DST: variants seen among roughly 807,000 people sequenced by gnomAD.
DST encodes bullous pemphigoid antigen.
A neutral mutation model predicts 875.2 loss-of-function variants in DST; 253 were observed. The observed-to-expected ratio is 0.29, with a 90% confidence interval of 0.26 to 0.32. DST has a LOEUF of 0.32. DST is among the 10% of genes least tolerant of loss of function. The pLI, the probability that DST is intolerant of heterozygous loss-of-function variation, is 1.00. For synonymous variants in DST, 3,124 were observed against 3,197.1 expected (o/e 0.98, Z 0.77); for missense variants, 8,287 against 9,111.6 (o/e 0.91, Z 3.68).
intron 87 of DST, among the ~76,000 whole-genome samples, 154 bp from the exon 88 acceptor site, chr6:56,485,625 A>C (rs1294211305): frequency 6.6e-6 from 1 of 152,366 alleles, no homozygotes; most frequent in Middle Eastern, 3.4e-3. Flanking sequence ...CTTAGGAAAA[A>C]GACAAAACTT....
At chr6:56,855,208 A>C (rs920119566) in intron 3 of DST, among the ~76,000 whole-genome samples, 1 of 152,232 alleles carries the variant, frequency 6.6e-6, no homozygotes. Flanking sequence ...GTTCTTGGAA[A>C]CTGCTGCTTT....
At position 56,601,490 on chromosome 6, in the gene DST, G is replaced by A. The variant is rs753976937; in HGVS notation, c.11494C>T (p.Arg3832Cys). Residue 3832 changes from arginine (R) to cysteine (C), a missense_variant, in exon 44 of 104, where the codon CGT (arginine) becomes TGT (cysteine). By Grantham distance (180) the Arg-to-Cys change is radical. Around this residue, in one of 10 missense-constraint regions of DST, gnomAD observed 3,138 missense variants for 3,116.6 expected, o/e 1.01. Transcript: ENST00000680361. Reference protein sequence around the residue: ...VQESVTTQVERLETQLHLEQD... With the variant: ...VQESVTTQVECLETQLHLEQD... ...TCTAGATGTAACTGAGTCTCTAAAC[G>A]TTCCACCTGGGTAGTTACTGACTCC... The A allele has an allele frequency of 6.2e-6, 10 of 1,605,416 alleles. No homozygotes were observed. Among genetic ancestry groups the A allele is most frequent in the Non-Finnish European group, 8.5e-6 (10 of 1,176,086 alleles).
chr6:56,884,730 A>AT (rs1158885927), intron 3 of DST, among the ~76,000 whole-genome samples: 9 of 148,254 alleles, frequency 6.1e-5, no homozygotes, highest in East Asian at 3.9e-4. Flanking sequence ...TGCCAAGCTC[A>AT]TTTTTTTTTT....
chr6:56,567,710 T>TCA, intron 55 of DST, among the ~76,000 whole-genome samples: 1 of 152,186 alleles, frequency 6.6e-6, no homozygotes, highest in Middle Eastern at 3.4e-3. Flanking sequence ...AACATCAGTA[T>TCA]CACAATAGGG....
intron 2 of DST, among the ~76,000 whole-genome samples, chr6:56,928,202 T>A (rs1026240975): frequency 2.7e-5 from 3 of 112,844 alleles, no homozygotes; most frequent in Non-Finnish European, 4.5e-5. Flanking sequence ...ATACCCCTAC[T>A]GGGGCACCTC....
chr6:56,641,548 A>G (rs2098902496), intron 17 of DST, among the ~76,000 whole-genome samples: 1 of 152,288 alleles, frequency 6.6e-6, no homozygotes, highest in Middle Eastern at 3.4e-3. Flanking sequence ...AGATCACACC[A>G]CTGCACTCCA....
At position 56,555,749 on chromosome 6, in the gene DST, G is replaced by A. The variant is rs1224376808; in HGVS notation, c.14732C>T (p.Pro4911Leu). The A allele has an allele frequency of 6.2e-7, 1 of 1,604,692 alleles. No individual in the cohort carries two copies. The highest frequency in any genetic ancestry group is 1.7e-5 in the Admixed American group (1 of 59,848). The change falls in exon 60 of 104, where the codon CCT becomes CTT. Residue 4911 changes from proline (P) to leucine (L), a missense_variant. Physicochemically the swap from Pro to Leu is moderately conservative, Grantham distance 98 (BLOSUM62 -3). This residue lies in a region of DST where 1,513 missense variants were observed against 1,677.8 expected (regional missense o/e 0.90). Coordinates refer to ENST00000680361, the MANE Select transcript of DST (RefSeq NM_001374736.1). The part of the protein sequence containing the change: ...QGILSRPGED[P>L]SLRGIVKEQL... ...CTCTTTCACAATCCCACGTAAAGAA[G>A]GGTCTTCTCCAGGCCTGCTCAGAAT... is the stretch of plus-strand genomic sequence containing the variant.
At chr6:56,691,495 C>T (rs1453795044) in intron 9 of DST, among the ~76,000 whole-genome samples, 1 of 151,996 alleles carries the variant, frequency 6.6e-6, no homozygotes, top group South Asian at 2.1e-4. Context: ...AATGACCTTG[C>T]CAAGAATGTT....
chr6:56,640,443 G>A lies in DST; in HGVS notation c.2190C>T (p.Thr730=), dbSNP rs756775878. The change falls in exon 18 of 104, where the codon ACC becomes ACT. Residue 730 remains threonine (T), a synonymous_variant. Coordinates refer to ENST00000680361, the MANE Select transcript of DST (RefSeq NM_001374736.1). ...GFAQTLHPSL[T]SGLTQSLTPS... is the part of the protein sequence containing the mutation. Reference sequence around the variant, plus strand: ...GTGTTAAACTCTGGGTCAGCCCTGAGGTCAGACTAGGGTGTAAGGTCTGTG... The same window carrying A: ...GTGTTAAACTCTGGGTCAGCCCTGAAGTCAGACTAGGGTGTAAGGTCTGTG... The A allele has an allele frequency of 4.3e-6, 7 of 1,614,078 alleles. No individual in the cohort carries two copies. The Admixed American group carries it at 6.7e-5, about 15-fold the overall frequency.
At position 56,501,469 on chromosome 6, in the gene DST, A is replaced by G. The variant is rs911139791; in HGVS notation, c.19740+51T>C. 3 of 1,314,016 alleles carry G rather than the reference A, an allele frequency of 2.3e-6. No homozygotes were observed. The African/African-American group carries it at 4.5e-5, about 20-fold the overall frequency. 81.4% of individuals were successfully genotyped at this position (1,314,016 alleles called of 1,614,324 possible). Reference sequence around the variant, plus strand: ...TATCTTTAATAATTATTTTACATTAATATCTGAAATTGAAAATTTATAATT... The same window carrying G: ...TATCTTTAATAATTATTTTACATTAGTATCTGAAATTGAAAATTTATAATT... On this transcript the variant is annotated intron_variant, in intron 79 of 103. Coordinates refer to ENST00000680361, the MANE Select transcript of DST (RefSeq NM_001374736.1).
At chr6:56,503,594 T>TAC (rs10637850) in intron 78 of DST, among the ~76,000 whole-genome samples, 10,699 of 140,838 alleles carry the variant, frequency 0.076, 430 homozygotes, top group Non-Finnish European at 0.097. Context: ...TACCTATACA[T>TAC]ACACACACAC....
chr6:56,458,937 C>A lies in DST; in HGVS notation c.*68G>T, dbSNP rs2094185058. 1 of 1,437,112 alleles carries A rather than the reference C, an allele frequency of 7.0e-7. No homozygotes were observed. Among genetic ancestry groups the A allele is most frequent in the South Asian group, 1.8e-5 (1 of 56,380 alleles). 89.0% of individuals were successfully genotyped at this position (1,437,112 alleles called of 1,614,324 possible). On this transcript the variant is annotated 3_prime_UTR_variant, in exon 104 of 104. Transcript: ENST00000680361. The stretch of plus-strand genomic sequence containing the variant: ...GCAATATTTCACAAGAATTTCTACA[C>A]CATATTTTACATCGTTCAAACTTAA...
At chr6:56,463,436 C>T in intron 101 of DST, 129 bp downstream of exon 101, 1 of 923,804 alleles carries the variant, frequency 1.1e-6, no homozygotes, top group Non-Finnish European at 1.6e-6. Flanking sequence ...GTATTTCCCA[C>T]AGTATGAGAA....
intron 4 of DST, among the ~76,000 whole-genome samples, chr6:56,776,540 T>C (rs1241767384): frequency 6.6e-6 from 1 of 152,232 alleles, no homozygotes. Flanking sequence ...GTAATATTTT[T>C]GCAACTTTTC....
chr6:56,586,661 C>G lies in DST; in HGVS notation c.12903+5521G>C, dbSNP rs553954713. The stretch of plus-strand genomic sequence containing the variant: ...AGCAGCCTAACTGGGAGGCACCCCC[C>G]AGTAGGGGCAGACTGACACCTCACA... On this transcript the variant is annotated intron_variant, in intron 49 of 103. Transcript: ENST00000680361. 9.9e-5 allele frequency among the ~76,000 whole-genome samples: 15 copies of G among 152,260 alleles called. No individual in the cohort carries two copies. In the South Asian group the frequency reaches 2.9e-3, roughly 29 times the overall value.
intron 2 of DST, among the ~76,000 whole-genome samples, chr6:56,938,106 CTCTATATA>C (rs1326124197): frequency 7.1e-3 from 213 of 30,058 alleles, no homozygotes; most frequent in African/African-American, 0.011. Flanking sequence ...CTCTCTCTCT[CTCTATATA>C]TATATATATA....
At position 56,640,563 on chromosome 6, in the gene DST, T is replaced by G. The variant is rs779974825; in HGVS notation, c.2070A>C (p.Glu690Asp). ...GTCCTTTGCTGTACACAGAAGAACA[T>G]TCGTTCCTTAAGGCCATAATTTCGT... ...LRDEIMALRN[E>D]CSSVYSKGRI... Residue 690 changes from glutamate (E) to aspartate (D), a missense_variant, in exon 18 of 104, where the codon GAA (glutamate) becomes GAC (aspartate). Physicochemically the swap from Glu to Asp is conservative, Grantham distance 45. Coordinates refer to ENST00000680361, the MANE Select transcript of DST (RefSeq NM_001374736.1). The G allele has an allele frequency of 6.2e-7, 1 of 1,614,208 alleles. No individual in the cohort carries two copies. The highest frequency in any genetic ancestry group is 1.1e-5 in the South Asian group (1 of 91,088).
rs768572908 is a variant in DST at position 56,459,000 on chromosome 6, T to C, written c.*5A>G. The stretch of plus-strand genomic sequence containing the variant: ...CAAGGAAGGGCCTTGGTAGAACCAA[T>C]TGCACTATCTCTTTGAGGACTTGTC... On this transcript the variant is annotated 3_prime_UTR_variant, in exon 104 of 104. Transcript: ENST00000680361. The C allele has an allele frequency of 1.9e-5, 30 of 1,597,784 alleles. No individual in the cohort carries two copies. Among genetic ancestry groups the C allele is most frequent in the Non-Finnish European group, 2.5e-5 (29 of 1,169,278 alleles).
At chr6:56,913,270 G>A (rs1254406782) in intron 2 of DST, among the ~76,000 whole-genome samples, 1 of 152,066 alleles carries the variant, frequency 6.6e-6, no homozygotes, top group Admixed American at 6.5e-5. Flanking sequence ...ACTATTTCTT[G>A]TAATATTCCT....
Sources: gnomAD v4.1 joint callset for allele counts (sites outside exome capture counted in the v4.1 genomes callset) on GRCh38, gnomAD v4.1.1 for gene constraint, gnomAD v4.1.1 regional missense constraint, MANE v1.5 for transcripts, NCBI Gene and HGNC (gene_info 2026-07-23, HGNC 2026-07-21) for gene names.